Variants in C10orf67 observed in about 807,000 individuals in gnomAD.
C10orf67 encodes the protein chromosome 10 open reading frame 67, also known as uncharacterized protein C10orf67, mitochondrial.
A neutral mutation model predicts 35.6 loss-of-function variants in C10orf67; 60 were observed. The observed-to-expected ratio is 1.68, with a 90% confidence interval of 1.37 to 2.09. The LOEUF is 2.09. Ranked by LOEUF, C10orf67 falls within the 30% of genes most tolerant of loss-of-function variation. C10orf67 has a pLI of 0.00. For synonymous variants in C10orf67, 167 were observed against 115.8 expected (o/e 1.44, Z -2.84); for missense variants, 474 against 330.2 (o/e 1.44, Z -3.38).
rs547368185 is a variant in C10orf67, at chr10:23,254,100, T to C, written c.1201-3409A>G. Among the ~76,000 whole-genome samples, 6 of 152,350 alleles carry C rather than the reference T, an allele frequency of 3.9e-5. No individual in the cohort carries two copies. The East Asian group carries it at 7.7e-4, about 20-fold the overall frequency. On this transcript the variant is annotated intron_variant, in intron 10 of 15. Transcript: ENST00000636213. ...AAACACTGGACTGATAATAGATTGA[T>C]GTGAAAATGAGTGTTAATATTAAAA... is the stretch of plus-strand genomic sequence containing the variant.
intron 4 of C10orf67, chr10:23,316,603 G>T (rs951480272): frequency 1.3e-5 from 2 of 152,322 alleles, no homozygotes; most frequent in African/African-American, 4.8e-5. Flanking sequence ...AGGCAAAGAG[G>T]TGCTTTATTG....
intron 15 of C10orf67, among the ~76,000 whole-genome samples, chr10:23,205,213 C>G (rs562360733): frequency 2.6e-5 from 4 of 152,214 alleles, no homozygotes; most frequent in African/African-American, 9.6e-5. Context: ...CCAGGAAAGC[C>G]CCAAGGGCCT....
intron 13 of C10orf67, among the ~76,000 whole-genome samples, chr10:23,236,133 C>T (rs774462554): frequency 1.1e-4 from 16 of 151,958 alleles, no homozygotes; most frequent in Non-Finnish European, 2.2e-4. Context: ...CCTGTAATCC[C>T]AGCTACTCGG....
At chr10:23,322,372 A>G (rs749041505) in intron 3 of C10orf67, 22 bp downstream of exon 3, 31 of 1,603,136 alleles carry the variant, frequency 1.9e-5, no homozygotes, top group Non-Finnish European at 2.4e-5. Context: ...ACATAAAACA[A>G]AAGAAATAAG....
At chr10:23,331,879 A>G (rs1039790419) in intron 2 of C10orf67, among the ~76,000 whole-genome samples, 31 of 152,312 alleles carry the variant, frequency 2.0e-4, no homozygotes, top group East Asian at 9.7e-4. Context: ...ACACTTAGTT[A>G]CGAAAGAATA....
intron 5 of C10orf67, among the ~76,000 whole-genome samples, chr10:23,300,796 C>T (rs1477508173): frequency 6.6e-6 from 1 of 152,170 alleles, no homozygotes; most frequent in East Asian, 1.9e-4. Context: ...CTGGGAATTG[C>T]CTGCTGGCCT....
chr10:23,242,117 G>A lies in C10orf67; in HGVS notation c.1347-2301C>T, dbSNP rs542789931. Among the ~76,000 whole-genome samples the A allele has an allele frequency of 3.2e-4, 49 of 152,214 alleles. 1 individual carries two copies. In the South Asian group the frequency reaches 9.7e-3, roughly 30 times the overall value. On this transcript the variant is annotated intron_variant, in intron 12 of 15. Transcript: ENST00000636213. ...CTCCTAAGTAGCTGGGATTACAGGTGCCTGCCACCACGCCCAGCTTATTTT... is the reference window on the plus strand; with the variant it reads ...CTCCTAAGTAGCTGGGATTACAGGTACCTGCCACCACGCCCAGCTTATTTT...
intron 13 of C10orf67, among the ~76,000 whole-genome samples, chr10:23,231,998 A>G (rs1841925656): frequency 6.6e-6 from 1 of 152,226 alleles, no homozygotes; most frequent in Admixed American, 6.5e-5. Context: ...CACAAGTGAT[A>G]AAACTATGAA....
intron 8 of C10orf67, among the ~76,000 whole-genome samples, chr10:23,273,374 A>G (rs1045444359): frequency 6.6e-6 from 1 of 152,172 alleles, no homozygotes; most frequent in Non-Finnish European, 1.5e-5. Flanking sequence ...TGCTGAGAGT[A>G]TTTTTTATCA....
At chr10:23,302,072 C>T (rs151198574) in intron 5 of C10orf67, among the ~76,000 whole-genome samples, 4 of 152,100 alleles carry the variant, frequency 2.6e-5, no homozygotes, top group Non-Finnish European at 5.9e-5. Flanking sequence ...CAAACACGGA[C>T]CAGAAGAGTG....
chr10:23,335,656 A>G (rs900483494), intron 1 of C10orf67, among the ~76,000 whole-genome samples: 1 of 152,238 alleles, frequency 6.6e-6, no homozygotes, highest in Admixed American at 6.5e-5. Flanking sequence ...GCCATTTAAC[A>G]TGAAAACTCC....
At chr10:23,258,776 G>T (rs1421209004) in intron 10 of C10orf67, among the ~76,000 whole-genome samples, 2 of 152,178 alleles carry the variant, frequency 1.3e-5, no homozygotes, top group Non-Finnish European at 2.9e-5. Flanking sequence ...TGCTGACAAG[G>T]TTTTCCCCCA....
chr10:23,241,521 C>T (rs149694941), intron 12 of C10orf67, among the ~76,000 whole-genome samples: 10 of 152,192 alleles, frequency 6.6e-5, no homozygotes, highest in African/African-American at 2.4e-4. Context: ...GTGAACATTG[C>T]CCCCCATGAA....
chr10:23,325,470 G>A (rs1845150435), intron 2 of C10orf67, among the ~76,000 whole-genome samples: 1 of 128,794 alleles, frequency 7.8e-6, no homozygotes, highest in Non-Finnish European at 1.7e-5. Context: ...CAAGATTTGG[G>A]CTGCTAAAAA....
intron 12 of C10orf67, 152 bp downstream of exon 12, chr10:23,250,303 T>C (rs1024852833): frequency 1.8e-5 from 7 of 388,770 alleles, no homozygotes; most frequent in Admixed American, 1.3e-4. Context: ...TTTTGATTAC[T>C]CTTCTATTTT....
At chr10:23,259,643 A>G (rs908492557) in intron 10 of C10orf67, among the ~76,000 whole-genome samples, 1 of 152,206 alleles carries the variant, frequency 6.6e-6, no homozygotes, top group African/African-American at 2.4e-5. Flanking sequence ...AAAATATTAG[A>G]GAACCTAGGA....
chr10:23,208,199 T>A (rs1027345256), intron 15 of C10orf67, among the ~76,000 whole-genome samples: 9 of 152,248 alleles, frequency 5.9e-5, no homozygotes, highest in African/African-American at 2.2e-4. Context: ...AGGATTGAAA[T>A]GTTAAATGCT....
intron 4 of C10orf67, 110 bp downstream of exon 4, chr10:23,320,631 C>A: frequency 2.7e-6 from 2 of 745,718 alleles, no homozygotes; most frequent in South Asian, 1.8e-5. Flanking sequence ...AGGAAACAGG[C>A]CTTCAGAGCT....
In C10orf67 at chr10:23,254,891, G is replaced by A. The variant is rs549119791; in HGVS notation, c.1201-4200C>T. Among the ~76,000 whole-genome samples, 214 of 152,108 alleles carry A rather than the reference G, an allele frequency of 1.4e-3. 1 individual carries two copies. Among genetic ancestry groups the A allele is most frequent in the African/African-American group, 4.8e-3 (201 of 41,484 alleles). Reference sequence around the variant, plus strand: ...GTCATTTTCTCTGGGCTTAATGAAAGGTACTTTGCCTTTTACCTCTATACC... The same window carrying A: ...GTCATTTTCTCTGGGCTTAATGAAAAGTACTTTGCCTTTTACCTCTATACC... On this transcript the variant is annotated intron_variant, in intron 10 of 15. Coordinates refer to ENST00000636213, the MANE Select transcript of C10orf67 (RefSeq NM_001371909.1).
Sources: gnomAD v4.1 joint callset for allele counts (sites outside exome capture counted in the v4.1 genomes callset) on GRCh38, gnomAD v4.1.1 for gene constraint, MANE v1.5 for transcripts, NCBI Gene and HGNC (gene_info 2026-07-23, HGNC 2026-07-21) for gene names.